Variants in ERC1 observed in about 807,000 individuals in gnomAD.
ERC1 encodes the protein ELKS/RAB6-interacting/CAST family member 1.
Under a neutral mutation model 132.0 loss-of-function variants are expected in ERC1, and 56 were observed. That is an observed-to-expected ratio of 0.42 (90% CI 0.34 to 0.53). The LOEUF (loss-of-function observed/expected upper bound fraction) is 0.53, where lower values mean the gene tolerates loss of function less well. Among genes scored for constraint, ERC1 ranks in the 20% least tolerant of loss-of-function variants. The pLI, the probability that ERC1 is intolerant of heterozygous loss-of-function variation, is 0.03. For synonymous variants in ERC1, 478 were observed against 476.1 expected (o/e 1.00, Z -0.05); for missense variants, 1,202 against 1,349.9 (o/e 0.89, Z 1.72).
At chr12:1,002,297 C>CAAGTTCT (rs1565754003) in intron 1 of ERC1, among the ~76,000 whole-genome samples, 3 of 149,004 alleles carry the variant, frequency 2.0e-5, no homozygotes, top group Non-Finnish European at 3.0e-5. Flanking sequence ...CCTCGGCCTC[C>CAAGTTCT]CAAGTAACTG....
intron 1 of ERC1, among the ~76,000 whole-genome samples, chr12:997,154 T>C (rs7979798): frequency 0.12 from 18,971 of 152,224 alleles, 1,843 homozygotes; most frequent in African/African-American, 0.27. Flanking sequence ...ATAGCTTATT[T>C]AAAAGATAGT....
At chr12:1,437,351 A>G (rs2092977417) in intron 17 of ERC1, among the ~76,000 whole-genome samples, 3 of 152,172 alleles carry the variant, frequency 2.0e-5, no homozygotes, top group Non-Finnish European at 4.4e-5. Context: ...TCATCTGTAT[A>G]TACATGTTCA....
At chr12:1,388,609 A>G (rs2089647569) in intron 16 of ERC1, among the ~76,000 whole-genome samples, 1 of 152,188 alleles carries the variant, frequency 6.6e-6, no homozygotes, top group Non-Finnish European at 1.5e-5. Flanking sequence ...ATGCCAAGCC[A>G]TGGAGAGGCT....
At chr12:1,411,877 G>A (rs2091872411) in intron 17 of ERC1, among the ~76,000 whole-genome samples, 1 of 151,178 alleles carries the variant, frequency 6.6e-6, no homozygotes, top group African/African-American at 2.4e-5. Context: ...CAGGCCTATA[G>A]GTAACTTCAC....
chr12:1,190,359 C>G (rs1165193381), intron 12 of ERC1, among the ~76,000 whole-genome samples: 1 of 152,096 alleles, frequency 6.6e-6, no homozygotes, highest in East Asian at 1.9e-4. Context: ...GGACAAATGT[C>G]TACTTTTTAA....
At chr12:1,284,308 G>GTGTGTGTA (rs1198068155) in intron 14 of ERC1, among the ~76,000 whole-genome samples, 7 of 139,360 alleles carry the variant, frequency 5.0e-5, no homozygotes, top group Non-Finnish European at 7.7e-5. Context: ...GTGTGTGTGT[G>GTGTGTGTA]TATACATACC....
intron 17 of ERC1, chr12:1,410,525 C>A: frequency 1.9e-6 from 1 of 535,870 alleles, no homozygotes; most frequent in Non-Finnish European, 3.1e-6. Context: ...CACAGTAACT[C>A]TCACATCTCA....
chr12:1,219,793 T>C (rs1478090922), intron 12 of ERC1, among the ~76,000 whole-genome samples: 1 of 152,024 alleles, frequency 6.6e-6, no homozygotes, highest in Non-Finnish European at 1.5e-5. Flanking sequence ...ACACCAACCA[T>C]GCCTGGCTAA....
chr12:1,131,810 G>A (rs1475492053), intron 7 of ERC1, among the ~76,000 whole-genome samples: 1 of 152,124 alleles, frequency 6.6e-6, no homozygotes, highest in East Asian at 1.9e-4. Context: ...AAACAGTAGG[G>A]TAGCCATTTT....
rs183885236 is a variant in ERC1, at chr12:1,005,148, T to A, written c.-157+13826T>A. On this transcript the variant is annotated intron_variant, in intron 1 of 18. Transcript: ENST00000360905. Reference sequence around the variant, plus strand: ...CCCTTTTCTAAACTTTAAACATTTTTAAAGAAATCTTTATTTATTTTCACC... The same window carrying A: ...CCCTTTTCTAAACTTTAAACATTTTAAAAGAAATCTTTATTTATTTTCACC... Among the ~76,000 whole-genome samples, 51 of 152,284 alleles carry A rather than the reference T, an allele frequency of 3.3e-4. 2 individuals carry two copies. Among genetic ancestry groups the A allele is most frequent in the Admixed American group, 2.0e-3 (31 of 15,282 alleles).
In ERC1 at chr12:1,204,082, GTAGT is replaced by G. The variant is rs906517916; in HGVS notation, c.2351+14037_2351+14040del. ...CTTAATGGAATGGGGTGGTTAAGGC[GTAGT>G]TAGTTATAAGGTGGGTGTCTATAAA... On this transcript the variant is annotated intron_variant, in intron 12 of 18. Transcript: ENST00000360905. 4 of 158,020 alleles carry G rather than the reference GTAGT, an allele frequency of 2.5e-5. No homozygotes were observed. In the East Asian group the frequency reaches 7.3e-4, roughly 29 times the overall value. 9.8% of individuals were successfully genotyped at this position (158,020 alleles called of 1,614,324 possible).
intron 15 of ERC1, among the ~76,000 whole-genome samples, chr12:1,350,838 C>T (rs541713248): frequency 1.1e-4 from 17 of 152,262 alleles, no homozygotes; most frequent in African/African-American, 1.7e-4. Flanking sequence ...TTTCATGCTG[C>T]GTCACAAAAC....
chr12:1,127,423 G>A (rs544944509), intron 7 of ERC1, among the ~76,000 whole-genome samples: 1 of 152,204 alleles, frequency 6.6e-6, no homozygotes, highest in East Asian at 1.9e-4. Context: ...AAAGTATTGT[G>A]GATATGTACC....
intron 15 of ERC1, among the ~76,000 whole-genome samples, chr12:1,360,050 G>A (rs750945121): frequency 2.6e-5 from 4 of 151,980 alleles, no homozygotes; most frequent in Non-Finnish European, 4.4e-5. Context: ...TACCAAATGA[G>A]CAGACATTGT....
intron 8 of ERC1, among the ~76,000 whole-genome samples, chr12:1,160,143 C>G (rs1352853948): frequency 6.6e-6 from 1 of 152,038 alleles, no homozygotes; most frequent in Non-Finnish European, 1.5e-5. Flanking sequence ...AATTGTTTAG[C>G]CTTGATTTGA....
chr12:1,006,670 G>A (rs974874799), intron 1 of ERC1, among the ~76,000 whole-genome samples: 1 of 151,864 alleles, frequency 6.6e-6, no homozygotes, highest in South Asian at 2.1e-4. Flanking sequence ...TGTTGGTATT[G>A]CAGGCATGTA....
intron 15 of ERC1, among the ~76,000 whole-genome samples, chr12:1,348,203 C>G (rs555863578): frequency 1.3e-5 from 2 of 152,250 alleles, no homozygotes; most frequent in East Asian, 3.9e-4. Context: ...CGATTTCTTT[C>G]CTAGCAAAAT....
intron 15 of ERC1, among the ~76,000 whole-genome samples, chr12:1,367,580 C>T (rs74694595): frequency 3.9e-5 from 6 of 152,142 alleles, no homozygotes; most frequent in African/African-American, 9.7e-5. Flanking sequence ...AATGTTGTGG[C>T]GTTCTCAAGG....
In ERC1 at chr12:1,283,448, G is replaced by A. The variant is rs143691612; in HGVS notation, c.2620-6404G>A. On this transcript the variant is annotated intron_variant, in intron 14 of 18. Transcript: ENST00000360905. ...TGTACAACTGCTCAGTGGTAGGCAT[G>A]AAATGGAACCAAGTGATTCTAGCTG... Among the ~76,000 whole-genome samples the A allele has an allele frequency of 4.4e-3, 669 of 152,332 alleles. 10 individuals carry two copies. The highest frequency in any genetic ancestry group is 0.015 in the African/African-American group (638 of 41,578).
Sources: gnomAD v4.1 joint callset for allele counts (sites outside exome capture counted in the v4.1 genomes callset) on GRCh38, gnomAD v4.1.1 for gene constraint, MANE v1.5 for transcripts, NCBI Gene and HGNC (gene_info 2026-07-23, HGNC 2026-07-21) for gene names.